Variants in USP8 observed in about 807,000 individuals in gnomAD.
The protein encoded by USP8 is ubiquitin carboxyl-terminal hydrolase 8.
Under a neutral mutation model 130.0 loss-of-function variants are expected in USP8, and 27 were observed. The ratio of observed to expected loss-of-function variants is 0.21; its 90% confidence interval spans 0.15 to 0.29. The LOEUF (loss-of-function observed/expected upper bound fraction) is 0.29. USP8 is among the 10% of genes least tolerant of loss of function. The pLI is 1.00. For missense variants in USP8, 1,029 were observed against 1,312.2 expected, an observed-to-expected ratio of 0.78 and a Z score of 3.33; for synonymous variants, 392 against 444.1, an observed-to-expected ratio of 0.88 and a Z score of 1.48.
At chr15:50,456,250 T>G (rs1302949469) in intron 4 of USP8, among the ~76,000 whole-genome samples, 2 of 152,142 alleles carry the variant, frequency 1.3e-5, no homozygotes, top group Non-Finnish European at 2.9e-5. Context: ...GAATACATAA[T>G]TCAGAAGGAA....
rs1157334291 is a variant in USP8 at position 50,501,463 on chromosome 15, G to GAC, written c.*2376_*2377dup. On this transcript the variant is annotated 3_prime_UTR_variant, in exon 20 of 20. Transcript: ENST00000307179. ...CACTCCAGCCTGGGTGACAGAGTGA[G>GAC]ACCCTGTCTTAAAATTGTAAGTTCA... is the stretch of plus-strand genomic sequence containing the variant. The GAC allele has an allele frequency of 1.3e-5, 2 of 151,974 alleles. No individual in the cohort carries two copies. The highest frequency in any genetic ancestry group is 2.9e-5 in the Non-Finnish European group (2 of 68,038). 9.4% of individuals were successfully genotyped at this position (151,974 alleles called of 1,614,324 possible). A position where few individuals can be genotyped will look rare whatever the true frequency, so the allele number is the denominator to read the frequency against.
chr15:50,433,568 G>A (rs571491479), intron 1 of USP8, among the ~76,000 whole-genome samples: 9 of 152,132 alleles, frequency 5.9e-5, no homozygotes, highest in Non-Finnish European at 1.3e-4. Context: ...CTTTGTCTTA[G>A]AAAGGAGCAG....
intron 8 of USP8, among the ~76,000 whole-genome samples, chr15:50,473,940 T>C (rs2051473409): frequency 6.6e-6 from 1 of 152,036 alleles, no homozygotes; most frequent in African/African-American, 2.4e-5. Context: ...GTTCAAGCAA[T>C]TCTCCTGCCT....
intron 16 of USP8, among the ~76,000 whole-genome samples, chr15:50,494,660 C>A (rs1566890508): frequency 6.6e-6 from 1 of 152,038 alleles, no homozygotes; most frequent in Non-Finnish European, 1.5e-5. Flanking sequence ...TTATTCTTTT[C>A]TTTTTCCCAG....
chr15:50,485,865 A>G (rs1337682496), intron 12 of USP8, among the ~76,000 whole-genome samples: 1 of 152,118 alleles, frequency 6.6e-6, no homozygotes, highest in Non-Finnish European at 1.5e-5. Context: ...ACATCCTCCT[A>G]TATACTTTAA....
chr15:50,453,337 T>G (rs976525678), intron 4 of USP8, among the ~76,000 whole-genome samples: 1 of 152,276 alleles, frequency 6.6e-6, no homozygotes, highest in African/African-American at 2.4e-5. Flanking sequence ...AAATCTATTG[T>G]TTTCCCAGTA....
chr15:50,501,596 T>C lies in USP8; in HGVS notation c.*2508T>C, dbSNP rs1384938728. On this transcript the variant is annotated 3_prime_UTR_variant, in exon 20 of 20. Coordinates refer to ENST00000307179, the MANE Select transcript of USP8 (RefSeq NM_005154.5). ...TAACTGCATATTGCTACAGCACAAATTGAGGGGGCTATGTAGCAACAACCC... is the reference window on the plus strand; with the variant it reads ...TAACTGCATATTGCTACAGCACAAACTGAGGGGGCTATGTAGCAACAACCC... 4 of 151,998 alleles carry C rather than the reference T, an allele frequency of 2.6e-5. No individual in the cohort carries two copies. The highest frequency in any genetic ancestry group is 9.7e-5 in the African/African-American group (4 of 41,386). 9.4% of individuals were successfully genotyped at this position (151,998 alleles called of 1,614,324 possible). A position where few individuals can be genotyped will look rare whatever the true frequency, so the allele number is the denominator to read the frequency against.
intron 5 of USP8, among the ~76,000 whole-genome samples, chr15:50,461,280 C>A (rs1231816563): frequency 1.3e-5 from 2 of 152,062 alleles, no homozygotes; most frequent in East Asian, 1.9e-4. Flanking sequence ...GCGTCAGCCA[C>A]CGTGCCTGGC....
In USP8 at chr15:50,500,534, C is replaced by G. The variant is rs562097132; in HGVS notation, c.*1446C>G. ...GATGAAAGGTTGTATAACATGCCCA[C>G]AAGGCATAAAAATGTTAATGATGCA... On this transcript the variant is annotated 3_prime_UTR_variant, in exon 20 of 20. Coordinates refer to ENST00000307179, the MANE Select transcript of USP8 (RefSeq NM_005154.5). The G allele has an allele frequency of 3.8e-5, 17 of 443,876 alleles. No homozygotes were observed. The highest frequency in any genetic ancestry group is 1.0e-4 in the Admixed American group (3 of 28,722). 27.5% of individuals were successfully genotyped at this position (443,876 alleles called of 1,614,324 possible).
At position 50,479,404 on chromosome 15, in the gene USP8, A is replaced by G. The variant is rs201565330; in HGVS notation, c.1218+1905A>G. Among the ~76,000 whole-genome samples the G allele has an allele frequency of 2.0e-4, 30 of 152,308 alleles. No homozygotes were observed. In the East Asian group the frequency reaches 5.4e-3, roughly 27 times the overall value. The stretch of plus-strand genomic sequence containing the variant: ...TCTCTGTTGGAGAGAGGAAGTTATG[A>G]TAGTAGATAAGATTAGAAGGATGGA... On this transcript the variant is annotated intron_variant, in intron 10 of 19. Transcript: ENST00000307179.
rs1296896413 is a variant in USP8 at position 50,484,287 on chromosome 15, A to G, written c.1816A>G (p.Lys606Glu). The change falls in exon 12 of 20, where the codon AAA becomes GAA. Residue 606 changes from lysine (K) to glutamate (E), a missense_variant. By Grantham distance (56) the Lys-to-Glu change is moderately conservative. Around this residue, in one of 4 missense-constraint regions of USP8, gnomAD observed 486 missense variants for 522.0 expected, o/e 0.93. Transcript: ENST00000307179. ...DSGSGKPFKI[K>E]GQPESGILRT... ...AATAATTTTACAGCCATTTAAGATT[A>G]AAGGACAACCAGAAAGTGGAATTCT... 6.2e-7 allele frequency: 1 copy of G among 1,610,474 alleles called. No individual in the cohort carries two copies. The highest frequency in any genetic ancestry group is 1.3e-5 in the African/African-American group (1 of 74,550).
chr15:50,471,542 A>G, intron 7 of USP8, 91 bp from the exon 8 acceptor site: 1 of 1,430,462 alleles, frequency 7.0e-7, no homozygotes, highest in Non-Finnish European at 9.4e-7. Context: ...ATGGTGTGGT[A>G]AAGACTGTGG....
At chr15:50,464,719 TG>T (rs1377395551) in intron 6 of USP8, among the ~76,000 whole-genome samples, 14 of 152,236 alleles carry the variant, frequency 9.2e-5, no homozygotes, top group African/African-American at 3.4e-4. Flanking sequence ...TAGCCAGGCG[TG>T]GTAACAGCCT....
intron 18 of USP8, 119 bp downstream of exon 18, chr15:50,497,350 G>C: frequency 7.9e-7 from 1 of 1,272,920 alleles, no homozygotes; most frequent in Non-Finnish European, 1.0e-6. Context: ...CGATTATCTG[G>C]TTACAGTAGA....
Position 50,494,086 on chromosome 15 carries a change from C to T in USP8, c.2464C>T (p.His822Tyr), listed in dbSNP as rs1201238977. Reference protein sequence around the residue: ...DDINRSNLLGHKGEVAEEFGI... With the variant: ...DDINRSNLLGYKGEVAEEFGI... Reference sequence around the variant, plus strand: ...TTTGCACAGGTCAAATTTGTTGGGGCATAAAGGTGAAGTGGCAGAAGAATT... The same window carrying T: ...TTTGCACAGGTCAAATTTGTTGGGGTATAAAGGTGAAGTGGCAGAAGAATT... The change falls in exon 16 of 20, where the codon CAT (histidine) becomes TAT (tyrosine). Residue 822 changes from histidine (H) to tyrosine (Y), a missense_variant. Physicochemically the swap from His to Tyr is moderately conservative, Grantham distance 83. Coordinates refer to ENST00000307179, the MANE Select transcript of USP8 (RefSeq NM_005154.5). The T allele has an allele frequency of 1.2e-6, 2 of 1,607,286 alleles. No homozygotes were observed. Among genetic ancestry groups the T allele is most frequent in the Non-Finnish European group, 1.7e-6 (2 of 1,178,370 alleles).
intron 11 of USP8, among the ~76,000 whole-genome samples, chr15:50,483,919 C>T (rs1036988620): frequency 6.6e-6 from 1 of 152,076 alleles, no homozygotes; most frequent in African/African-American, 2.4e-5. Flanking sequence ...TGAAGCACAA[C>T]TCCTTTCAAG....
chr15:50,433,506 A>C (rs1300765710), intron 1 of USP8, among the ~76,000 whole-genome samples: 1 of 152,128 alleles, frequency 6.6e-6, no homozygotes, highest in Non-Finnish European at 1.5e-5. Flanking sequence ...CTCATTTTTC[A>C]CTTTTTACCT....
At chr15:50,448,830 T>C (rs2050522091) in intron 3 of USP8, among the ~76,000 whole-genome samples, 1 of 152,168 alleles carries the variant, frequency 6.6e-6, no homozygotes, top group Non-Finnish European at 1.5e-5. Context: ...TAGATTATAC[T>C]ATTAATTATT....
Position 50,476,963 on chromosome 15 carries a change from C to A in USP8, c.964C>A (p.Arg322=), listed in dbSNP as rs574030216. ...TTNAKVTPPP[R]RQNEEVSISL... ...AAATGCTAAGGTCACTCCACCCCCA[C>A]GACGCCAGAATGAAGAGGTGTCTAT... Residue 322 remains arginine (R), a synonymous_variant, in exon 9 of 20, where the codon CGA becomes AGA. Transcript: ENST00000307179. 50 of 1,606,984 alleles carry A rather than the reference C, an allele frequency of 3.1e-5. No homozygotes were observed. The highest frequency in any genetic ancestry group is 4.2e-5 in the Non-Finnish European group (50 of 1,178,686).
Sources: gnomAD v4.1 joint callset for allele counts (sites outside exome capture counted in the v4.1 genomes callset) on GRCh38, gnomAD v4.1.1 for gene constraint, gnomAD v4.1.1 regional missense constraint, MANE v1.5 for transcripts, NCBI Gene and HGNC (gene_info 2026-07-23, HGNC 2026-07-21) for gene names.